Variants in SLC35F1 observed in about 807,000 individuals in gnomAD.
The protein encoded by SLC35F1 is chromosome 6 open reading frame 169.
SLC35F1 carries 14 observed loss-of-function variants against 48.7 expected under a neutral mutation model. That is an observed-to-expected ratio of 0.29 (90% CI 0.19 to 0.45). The LOEUF (loss-of-function observed/expected upper bound fraction) is 0.45. SLC35F1 is among the 20% of genes least tolerant of loss of function. SLC35F1 has a pLI of 1.00. For missense variants in SLC35F1, 404 were observed against 500.0 expected (o/e 0.81, Z 1.83); for synonymous variants, 190 against 202.2 (o/e 0.94, Z 0.51).
At chr6:117,926,887 G>C (rs543949648) in intron 1 of SLC35F1, among the ~76,000 whole-genome samples, 6 of 152,260 alleles carry the variant, frequency 3.9e-5, no homozygotes, top group African/African-American at 7.2e-5. Context: ...GACAGTTGCA[G>C]AGGAGAAATG....
At chr6:118,040,278 C>T (rs1355007863) in intron 1 of SLC35F1, among the ~76,000 whole-genome samples, 1 of 152,088 alleles carries the variant, frequency 6.6e-6, no homozygotes, top group Non-Finnish European at 1.5e-5. Flanking sequence ...CACCTCTGGG[C>T]AAAGGTACAA....
chr6:118,003,863 T>G (rs891998809), intron 1 of SLC35F1, among the ~76,000 whole-genome samples: 1 of 151,940 alleles, frequency 6.6e-6, no homozygotes, highest in Non-Finnish European at 1.5e-5. Flanking sequence ...GAAAGCAGAG[T>G]TACTGCTCAC....
intron 1 of SLC35F1, among the ~76,000 whole-genome samples, chr6:117,962,361 T>A (rs1217533998): frequency 3.3e-5 from 5 of 152,204 alleles, no homozygotes; most frequent in African/African-American, 1.2e-4. Context: ...GTGAGAATTA[T>A]TTTTTCCCTT....
intron 3 of SLC35F1, among the ~76,000 whole-genome samples, chr6:118,258,568 T>G (rs1468345324): frequency 6.6e-6 from 1 of 152,030 alleles, no homozygotes; most frequent in Non-Finnish European, 1.5e-5. Flanking sequence ...AAATTTCATC[T>G]GAAGGGAAAA....
chr6:118,313,766 C>T (rs1278853316), intron 7 of SLC35F1, among the ~76,000 whole-genome samples: 1 of 152,144 alleles, frequency 6.6e-6, no homozygotes, highest in Non-Finnish European at 1.5e-5. Flanking sequence ...TCGCACCATA[C>T]CAGATCCTCA....
chr6:117,959,822 C>T (rs993362304), intron 1 of SLC35F1, among the ~76,000 whole-genome samples: 6 of 151,988 alleles, frequency 3.9e-5, no homozygotes, highest in African/African-American at 1.2e-4. Context: ...GATCCCCCTA[C>T]TATGTGATAA....
intron 7 of SLC35F1, among the ~76,000 whole-genome samples, chr6:118,313,305 C>T (rs970433711): frequency 5.9e-5 from 9 of 152,154 alleles, no homozygotes; most frequent in Non-Finnish European, 1.0e-4. Context: ...TTTCCAAAAA[C>T]ATATGTAAAT....
At chr6:118,119,921 G>C (rs573022517) in intron 1 of SLC35F1, among the ~76,000 whole-genome samples, 1 of 152,148 alleles carries the variant, frequency 6.6e-6, no homozygotes, top group African/African-American at 2.4e-5. Flanking sequence ...GGCAGATGGC[G>C]TGAAAACAGC....
chr6:118,075,473 G>A (rs1772805073), intron 1 of SLC35F1, among the ~76,000 whole-genome samples: 1 of 152,184 alleles, frequency 6.6e-6, no homozygotes, highest in Non-Finnish European at 1.5e-5. Context: ...TTTTATAACT[G>A]TAAGCCAATA....
intron 1 of SLC35F1, among the ~76,000 whole-genome samples, chr6:118,033,923 G>C (rs1772089647): frequency 6.6e-6 from 1 of 152,266 alleles, no homozygotes; most frequent in South Asian, 2.1e-4. Context: ...GTGGTACAGT[G>C]ACTGAAATAT....
chr6:118,027,000 A>G (rs1246703640), intron 1 of SLC35F1, among the ~76,000 whole-genome samples: 5 of 152,216 alleles, frequency 3.3e-5, no homozygotes, highest in Non-Finnish European at 7.4e-5. Flanking sequence ...AGCCCAGATG[A>G]CCAGTGATTT....
chr6:118,030,972 T>G (rs1772036461), intron 1 of SLC35F1, among the ~76,000 whole-genome samples: 2 of 152,126 alleles, frequency 1.3e-5, no homozygotes, highest in African/African-American at 4.8e-5. Flanking sequence ...TAAACTGTAG[T>G]TTTTGAGCAG....
chr6:118,097,868 G>A (rs1442020811), intron 1 of SLC35F1, among the ~76,000 whole-genome samples: 1 of 152,144 alleles, frequency 6.6e-6, no homozygotes, highest in Admixed American at 6.6e-5. Flanking sequence ...AAGTGAGTAG[G>A]TGTGGTTTAG....
intron 2 of SLC35F1, among the ~76,000 whole-genome samples, chr6:118,216,623 AT>A (rs34367290): frequency 0.93 from 141,957 of 152,192 alleles, 66,263 homozygotes; most frequent in East Asian, 0.98. Context: ...ACCCTACATT[AT>A]AAGAATTGAC....
chr6:118,313,920 C>T, intron 7 of SLC35F1, 108 bp from the exon 8 acceptor site: 1 of 988,312 alleles, frequency 1.0e-6, no homozygotes, highest in Non-Finnish European at 1.6e-6. Context: ...ACTCATCATG[C>T]TGCCTGTTCT....
At chr6:118,276,423 T>C (rs1775918962) in intron 5 of SLC35F1, among the ~76,000 whole-genome samples, 1 of 152,228 alleles carries the variant, frequency 6.6e-6, no homozygotes, top group East Asian at 1.9e-4. Context: ...TTGCATGGGT[T>C]CAGTGTCTGA....
rs199892191 is a variant in SLC35F1 at position 118,154,523 on chromosome 6, G to T, written c.252G>T (p.Leu84=). 2 of 1,613,956 alleles carry T rather than the reference G, an allele frequency of 1.2e-6. No individual in the cohort carries two copies. The highest frequency in any genetic ancestry group is 2.2e-5 in the East Asian group (1 of 44,870). Residue 84 remains leucine (L), a synonymous_variant, in exon 2 of 8, where the codon CTG becomes CTT. Transcript: ENST00000360388. The stretch of plus-strand genomic sequence containing the variant: ...GAATTGGCTTGACTAGCAAGTATCT[G>T]TCAGAAGATTTCCACGCCAACACAC... ...ICGIGLTSKY[L]SEDFHANTPV...
intron 1 of SLC35F1, among the ~76,000 whole-genome samples, chr6:118,071,127 ATATATACATATATATACATTCTATG>A (rs1772716034): frequency 1.9e-5 from 1 of 53,964 alleles, no homozygotes; most frequent in Non-Finnish European, 4.3e-5. Context: ...ACATATATAC[ATATATACATATATATACATTCTATG>A]TATATACACA....
Position 118,302,704 on chromosome 6 carries a change from G to A in SLC35F1, c.1003-11324G>A, listed in dbSNP as rs149541726. On this transcript the variant is annotated intron_variant, in intron 7 of 7. Transcript: ENST00000360388. ...AGACATTAGACAATTTAATTTTTATGATATTAATAGGTATAAAGTTTAATT... is the reference window on the plus strand; with the variant it reads ...AGACATTAGACAATTTAATTTTTATAATATTAATAGGTATAAAGTTTAATT... Among the ~76,000 whole-genome samples the A allele has an allele frequency of 8.9e-3, 1,351 of 152,150 alleles. 6 individuals carry two copies. The highest frequency in any genetic ancestry group is 0.013 in the South Asian group (65 of 4,816).
Sources: gnomAD v4.1 joint callset for allele counts (sites outside exome capture counted in the v4.1 genomes callset) on GRCh38, gnomAD v4.1.1 for gene constraint, MANE v1.5 for transcripts, NCBI Gene and HGNC (gene_info 2026-07-23, HGNC 2026-07-21) for gene names.